The following ZFHX3 variants were observed in gnomAD, a reference collection of about 807,000 sequenced individuals.
The protein encoded by ZFHX3 is zinc finger homeobox 3.
ZFHX3 carries 42 observed loss-of-function variants against 279.1 expected under a neutral mutation model. The observed-to-expected ratio is 0.15, with a 90% CI of 0.12 to 0.19. The LOEUF (loss-of-function observed/expected upper bound fraction) is 0.19, where lower values mean the gene tolerates loss of function less well. Among genes scored for constraint, ZFHX3 ranks in the 10% least tolerant of loss-of-function variants. ZFHX3 has a pLI of 1.00. For missense variants in ZFHX3, 4,981 were observed against 4,754.0 expected (o/e 1.05, Z -1.40); for synonymous variants, 2,293 against 1,957.8 (o/e 1.17, Z -4.52).
chr16:73,227,752 G>A (rs2012643603), intron 5 of ZFHX3, among the ~76,000 whole-genome samples: 1 of 149,596 alleles, frequency 6.7e-6, no homozygotes, highest in South Asian at 2.1e-4. Context: ...AGGAGGCTGA[G>A]GCATGATAAT....
intron 5 of ZFHX3, among the ~76,000 whole-genome samples, chr16:73,219,820 T>A (rs2012349437): frequency 6.6e-6 from 1 of 152,164 alleles, no homozygotes. Flanking sequence ...GCATGGTGGC[T>A]CACGCCTGTA....
chr16:73,017,905 T>C (rs1350395642), intron 1 of ZFHX3, among the ~76,000 whole-genome samples: 1 of 152,158 alleles, frequency 6.6e-6, no homozygotes, highest in Non-Finnish European at 1.5e-5. Flanking sequence ...TTTTACTCTC[T>C]CCTCTTCAGA....
intron 1 of ZFHX3, among the ~76,000 whole-genome samples, chr16:72,970,462 G>C (rs114867383): frequency 6.6e-6 from 1 of 152,070 alleles, no homozygotes; most frequent in African/African-American, 2.4e-5. Flanking sequence ...GACAAGCATC[G>C]TGTGCCCATG....
At chr16:72,970,905 A>T (rs954117968) in intron 1 of ZFHX3, among the ~76,000 whole-genome samples, 1 of 152,222 alleles carries the variant, frequency 6.6e-6, no homozygotes, top group Non-Finnish European at 1.5e-5. Flanking sequence ...ATGTTAAATC[A>T]TGTCTTATGA....
chr16:73,101,555 T>A (rs75700246), intron 7 of ZFHX3, among the ~76,000 whole-genome samples: 2 of 151,934 alleles, frequency 1.3e-5, no homozygotes, highest in African/African-American at 4.8e-5. Flanking sequence ...ATTTTTTAAA[T>A]TTTTTTAAAT....
chr16:73,004,104 C>T (rs1963606597), intron 1 of ZFHX3, among the ~76,000 whole-genome samples: 1 of 147,258 alleles, frequency 6.8e-6, no homozygotes, highest in African/African-American at 2.5e-5. Context: ...TGTTCTTTGC[C>T]CATTTATCTC....
chr16:73,888,260 G>A (rs928304597), intron 1 of ZFHX3, among the ~76,000 whole-genome samples: 1 of 152,232 alleles, frequency 6.6e-6, no homozygotes, highest in South Asian at 2.1e-4. Context: ...CAGCGGTAAC[G>A]GCATAAATTG....
intron 5 of ZFHX3, among the ~76,000 whole-genome samples, chr16:73,206,349 T>G (rs2011802600): frequency 6.6e-6 from 1 of 152,202 alleles, no homozygotes; most frequent in African/African-American, 2.4e-5. Context: ...CTATTGATAC[T>G]GGGGAGGCAT....
At chr16:73,223,523 C>A (rs1438577070) in intron 5 of ZFHX3, among the ~76,000 whole-genome samples, 1 of 152,060 alleles carries the variant, frequency 6.6e-6, no homozygotes, top group African/African-American at 2.4e-5. Flanking sequence ...ATTAGAATGG[C>A]CAACATCCAA....
At chr16:73,209,292 T>C (rs2011920505) in intron 5 of ZFHX3, among the ~76,000 whole-genome samples, 1 of 152,194 alleles carries the variant, frequency 6.6e-6, no homozygotes, top group South Asian at 2.1e-4. Flanking sequence ...AGCATTGTCT[T>C]AGTCTGTTTG....
At chr16:73,449,511 C>A (rs1218549623) in intron 3 of ZFHX3, among the ~76,000 whole-genome samples, 1 of 151,980 alleles carries the variant, frequency 6.6e-6, no homozygotes, top group African/African-American at 2.4e-5. Flanking sequence ...ATAACAACAA[C>A]AACAATAATA....
intron 5 of ZFHX3, among the ~76,000 whole-genome samples, chr16:73,252,219 G>A (rs2144957989): frequency 6.6e-6 from 1 of 152,284 alleles, no homozygotes. Flanking sequence ...TGAAAGCTAT[G>A]CTTTTAGGAA....
chr16:73,509,521 CTTTTT>C (rs531436437), intron 2 of ZFHX3, among the ~76,000 whole-genome samples: 23,607 of 102,802 alleles, frequency 0.23, 2,570 homozygotes, highest in East Asian at 0.6. Context: ...TTTCCCTCTC[CTTTTT>C]TTTTTTTTTT....
Position 72,794,330 on chromosome 16 carries a change from G to A in ZFHX3, c.8352C>T (p.Pro2784=). Reference sequence around the variant, plus strand: ...CCATGGTTTTACTCACAGGTGAGAGGGGGACACCCTGACCATCACTACTGC... The same window carrying A: ...CCATGGTTTTACTCACAGGTGAGAGAGGGACACCCTGACCATCACTACTGC... ...PPSSSDGQGV[P]LSPVSKTMEL... Residue 2784 remains proline, a synonymous_variant, in exon 9 of 10, where the codon CCC becomes CCT. Coordinates refer to ENST00000268489, the MANE Select transcript of ZFHX3 (RefSeq NM_006885.4). This position sits in a 1 kb window ranked among gnomAD's most constrained non-coding sequence, Gnocchi z 4.2. 2 of 1,605,230 alleles carry A rather than the reference G, an allele frequency of 1.2e-6. No individual in the cohort carries two copies. Among genetic ancestry groups the A allele is most frequent in the South Asian group, 1.1e-5 (1 of 89,534 alleles).
intron 1 of ZFHX3, among the ~76,000 whole-genome samples, chr16:73,874,401 A>G (rs996645346): frequency 4.6e-5 from 7 of 152,212 alleles, no homozygotes; most frequent in African/African-American, 1.7e-4. Context: ...TCAAATGAAC[A>G]AAGTATATCA....
rs541533669 is a variant in ZFHX3 at position 73,091,862 on chromosome 16, T to C, written c.-533+1373A>G. Among the ~76,000 whole-genome samples the C allele has an allele frequency of 6.6e-5, 10 of 152,344 alleles. 1 individual carries two copies. In the South Asian group the frequency reaches 2.1e-3, roughly 32 times the overall value. ...GCTAGAATGTGATGACATAGGTCTC[T>C]TCTACTTTCCCCTCACCTTAGCAAA... On this transcript the variant is annotated intron_variant, in intron 8 of 17. Transcript: ENST00000641206.
At position 72,902,522 on chromosome 16, in the gene ZFHX3, C is replaced by T. The variant is rs1166432726; in HGVS notation, c.3217-12560G>A. On this transcript the variant is annotated intron_variant, in intron 3 of 9. Transcript: ENST00000268489. ...TTCAGCAAGCAGCAAGGCACCCGTC[C>T]CTGGGGACAGACGGACAGAAAACAA... Among the ~76,000 whole-genome samples, 6 of 152,200 alleles carry T rather than the reference C, an allele frequency of 3.9e-5. No homozygotes were observed. In the East Asian group the frequency reaches 1.2e-3, roughly 29 times the overall value.
At chr16:73,876,080 A>G (rs1174306645) in intron 1 of ZFHX3, among the ~76,000 whole-genome samples, 1 of 152,210 alleles carries the variant, frequency 6.6e-6, no homozygotes, top group Non-Finnish European at 1.5e-5. Flanking sequence ...AATTTTTTAA[A>G]AGGAGCTAAA....
intron 5 of ZFHX3, among the ~76,000 whole-genome samples, chr16:73,251,422 A>G (rs1359171585): frequency 1.3e-5 from 2 of 152,194 alleles, no homozygotes; most frequent in African/African-American, 2.4e-5. Flanking sequence ...TGTTACGTGT[A>G]TTACCTTATT....
Sources: gnomAD v4.1 joint callset for allele counts (sites outside exome capture counted in the v4.1 genomes callset) on GRCh38, gnomAD v4.1.1 for gene constraint, Gnocchi (gnomAD v3.1) non-coding constraint, MANE v1.5 for transcripts, NCBI Gene and HGNC (gene_info 2026-07-23, HGNC 2026-07-21) for gene names.